Variants in DNER observed in about 807,000 individuals in gnomAD.
The protein encoded by DNER is delta and Notch-like epidermal growth factor-related receptor.
Under a neutral mutation model 78.2 loss-of-function variants are expected in DNER, and 33 were observed. The observed-to-expected ratio is 0.42, with a 90% confidence interval of 0.32 to 0.56. The LOEUF is 0.56. Ranked by LOEUF, DNER falls within the 20% of genes least tolerant of loss-of-function variation. The pLI, the probability that DNER is intolerant of heterozygous loss-of-function variation, is 0.11. For synonymous variants in DNER, 417 were observed against 384.8 expected (o/e 1.08, Z -0.98); for missense variants, 918 against 975.3 (o/e 0.94, Z 0.78).
chr2:229,505,165 A>G (rs1695709596), intron 6 of DNER, among the ~76,000 whole-genome samples: 1 of 98,068 alleles, frequency 1.0e-5, no homozygotes, highest in African/African-American at 3.2e-5. Flanking sequence ...CTTGAGGATT[A>G]TGTGTTGCTG....
intron 8 of DNER, among the ~76,000 whole-genome samples, chr2:229,423,018 C>A (rs532306510): frequency 2.0e-5 from 3 of 152,192 alleles, no homozygotes; most frequent in East Asian, 3.9e-4. Flanking sequence ...TCACTGAACA[C>A]CCTCAAAACC....
intron 6 of DNER, among the ~76,000 whole-genome samples, chr2:229,497,480 T>C (rs929009983): frequency 6.7e-6 from 1 of 150,030 alleles, no homozygotes; most frequent in Non-Finnish European, 1.5e-5. Flanking sequence ...AGAAAAACAA[T>C]AGGAAAAATA....
chr2:229,602,065 C>A (rs1332536226), intron 1 of DNER, among the ~76,000 whole-genome samples: 3 of 151,772 alleles, frequency 2.0e-5, no homozygotes, highest in African/African-American at 7.3e-5. Flanking sequence ...CAGAACAATT[C>A]CAGTGCACAC....
chr2:229,459,931 G>A (rs1353693954), intron 7 of DNER, among the ~76,000 whole-genome samples: 5 of 151,922 alleles, frequency 3.3e-5, no homozygotes, highest in East Asian at 3.9e-4. Context: ...GCCGAAGCGG[G>A]TGGATCACAA....
intron 5 of DNER, among the ~76,000 whole-genome samples, chr2:229,546,684 C>T (rs533958026): frequency 1.9e-3 from 282 of 151,812 alleles, no homozygotes; most frequent in African/African-American, 6.4e-3. Context: ...TGCGGTAAGC[C>T]GAGATCACAC....
intron 1 of DNER, among the ~76,000 whole-genome samples, chr2:229,687,507 A>G (rs1448772769): frequency 6.6e-6 from 1 of 152,000 alleles, no homozygotes; most frequent in Non-Finnish European, 1.5e-5. Flanking sequence ...CAAATGATCC[A>G]CCTACCTCGG....
At chr2:229,617,121 C>G (rs1396196009) in intron 1 of DNER, among the ~76,000 whole-genome samples, 1 of 152,170 alleles carries the variant, frequency 6.6e-6, no homozygotes, top group Non-Finnish European at 1.5e-5. Context: ...TTTATCAAAA[C>G]TTAACATTAG....
rs979888620 is a variant in DNER at position 229,631,079 on chromosome 2, G to A, written c.277-39191C>T. 2.0e-5 allele frequency among the ~76,000 whole-genome samples: 3 copies of A among 152,150 alleles called. 1 individual carries two copies. Among genetic ancestry groups the A allele is most frequent in the South Asian group, 4.1e-4 (2 of 4,830 alleles). On this transcript the variant is annotated intron_variant, in intron 1 of 12. Transcript: ENST00000341772. ...GTTGATTGCATGTCTTTGCTATCAC[G>A]AATAGCACTGTGACAAACATGAGTA...
intron 4 of DNER, among the ~76,000 whole-genome samples, chr2:229,551,842 G>A (rs147786468): frequency 0.029 from 4,462 of 152,120 alleles, 193 homozygotes; most frequent in African/African-American, 0.094. Context: ...TGAGGCAGGA[G>A]AATAACTTGA....
At position 229,681,827 on chromosome 2, in the gene DNER, AACACAC is replaced by A. The variant is rs72248647; in HGVS notation, c.276+32315_276+32320del. Among the ~76,000 whole-genome samples, 186 of 144,442 alleles carry A rather than the reference AACACAC, an allele frequency of 1.3e-3. 1 individual carries two copies. Among genetic ancestry groups the A allele is most frequent in the South Asian group, 2.0e-3 (9 of 4,454 alleles). The allele number at this position is 144,442 out of a possible 152,430, so 94.8% of individuals were successfully genotyped here. A position where few individuals can be genotyped will look rare whatever the true frequency, so the allele number is the denominator to read the frequency against. Reference sequence around the variant, plus strand: ...TAAGGAATTGTATACCTCTGCCTAAAACACACACACACACACACACACACACACACA... The same window carrying A: ...TAAGGAATTGTATACCTCTGCCTAAAACACACACACACACACACACACACA... On this transcript the variant is annotated intron_variant, in intron 1 of 12. Transcript: ENST00000341772.
chr2:229,397,775 A>G (rs1179004926), intron 10 of DNER, among the ~76,000 whole-genome samples: 1 of 152,226 alleles, frequency 6.6e-6, no homozygotes, highest in Non-Finnish European at 1.5e-5. Context: ...TAAGTAATCT[A>G]TGGATCAAAG....
chr2:229,494,325 C>G (rs1574868739), intron 6 of DNER, among the ~76,000 whole-genome samples: 1 of 152,188 alleles, frequency 6.6e-6, no homozygotes, highest in East Asian at 1.9e-4. Context: ...GGCAAAATTC[C>G]TCTCCACACA....
intron 4 of DNER, among the ~76,000 whole-genome samples, chr2:229,579,322 C>T (rs1339338317): frequency 6.6e-6 from 1 of 152,186 alleles, no homozygotes; most frequent in Non-Finnish European, 1.5e-5. Context: ...TTTGCACATC[C>T]AGACTACCAC....
intron 9 of DNER, among the ~76,000 whole-genome samples, chr2:229,413,229 T>A (rs1574832130): frequency 6.6e-6 from 1 of 152,036 alleles, no homozygotes; most frequent in South Asian, 2.1e-4. Context: ...TAGGGTAATA[T>A]ATGAATGTAA....
chr2:229,469,478 C>G (rs1694876851), intron 7 of DNER, among the ~76,000 whole-genome samples: 1 of 152,142 alleles, frequency 6.6e-6, no homozygotes, highest in Non-Finnish European at 1.5e-5. Flanking sequence ...TATAACGACC[C>G]CTTTAGGTAG....
chr2:229,516,220 C>T (rs1695967482), intron 5 of DNER, among the ~76,000 whole-genome samples: 1 of 152,164 alleles, frequency 6.6e-6, no homozygotes, highest in Admixed American at 6.5e-5. Flanking sequence ...TGTCTATTTT[C>T]TAAGAACAAA....
At chr2:229,640,131 G>A (rs1280901522) in intron 1 of DNER, among the ~76,000 whole-genome samples, 1 of 152,170 alleles carries the variant, frequency 6.6e-6, no homozygotes, top group African/African-American at 2.4e-5. Flanking sequence ...ACCTTGAGGA[G>A]GCTAATTTAA....
intron 6 of DNER, among the ~76,000 whole-genome samples, chr2:229,499,887 A>G (rs1301431637): frequency 2.0e-5 from 3 of 151,656 alleles, no homozygotes. Context: ...AAAACAAATG[A>G]GCCAATTTTA....
At chr2:229,489,731 G>T (rs1695356765) in intron 6 of DNER, among the ~76,000 whole-genome samples, 1 of 151,916 alleles carries the variant, frequency 6.6e-6, no homozygotes, top group South Asian at 2.1e-4. Flanking sequence ...GGAAGAAGAG[G>T]GTGGGAGAGG....
Sources: gnomAD v4.1 joint callset for allele counts (sites outside exome capture counted in the v4.1 genomes callset) on GRCh38, gnomAD v4.1.1 for gene constraint, MANE v1.5 for transcripts, NCBI Gene and HGNC (gene_info 2026-07-23, HGNC 2026-07-21) for gene names.